HNRNPK: variants seen among roughly 807,000 people sequenced by gnomAD.
HNRNPK encodes heterogeneous nuclear ribonucleoprotein K.
A neutral mutation model predicts 67.0 loss-of-function variants in HNRNPK; 7 were observed. The ratio of observed to expected loss-of-function variants is 0.10; its 90% CI spans 0.06 to 0.20. The LOEUF is 0.20. Ranked by LOEUF, HNRNPK falls within the 10% of genes least tolerant of loss-of-function variation. The probability of loss-of-function intolerance (pLI) is 1.00; values close to 1 mark genes in which losing one functional copy is unlikely to be tolerated. For missense variants in HNRNPK, 264 were observed against 606.5 expected, an observed-to-expected ratio of 0.44 and a Z score of 5.93; for synonymous variants, 213 against 193.7, an observed-to-expected ratio of 1.10 and a Z score of -0.83.
chr9:83,975,734 G>C, intron 5 of HNRNPK: 1 of 579,528 alleles, frequency 1.7e-6, no homozygotes, highest in Non-Finnish European at 3.1e-6. Context: ...AACAAGGAGA[G>C]GGAAAAGGGG....
rs544139763 is a variant in HNRNPK at position 83,969,187 on chromosome 9, C to A, written c.*220G>T. 4.2e-5 allele frequency: 24 copies of A among 565,220 alleles called. 1 individual carries two copies. The highest frequency in any genetic ancestry group is 9.7e-4 in the Middle Eastern group (2 of 2,070). 35.0% of individuals were successfully genotyped at this position (565,220 alleles called of 1,614,324 possible). ...TTAGTTTTTGCACGCCCTTCCCCCC[C>A]CCAACCCTGTTTGTAAGGAACTAAA... On this transcript the variant is annotated 3_prime_UTR_variant, in exon 17 of 17. Transcript: ENST00000376263.
Position 83,968,580 on chromosome 9 carries a change from A to G in HNRNPK, c.*827T>C, listed in dbSNP as rs758605506. ...CTCATACCATTACTCAACTTGTAGT[A>G]CTGCTCCCCACCTTAGTTCTTCACA... is the stretch of plus-strand genomic sequence containing the variant. On this transcript the variant is annotated 3_prime_UTR_variant, in exon 17 of 17. Coordinates refer to ENST00000376263, the MANE Select transcript of HNRNPK (RefSeq NM_031263.4). The G allele has an allele frequency of 6.6e-6, 1 of 152,648 alleles. No individual in the cohort carries two copies. The highest frequency in any genetic ancestry group is 6.5e-5 in the Admixed American group (1 of 15,276). The allele number at this position is 152,648 out of a possible 1,614,324, so 9.5% of individuals were successfully genotyped here. A position where few individuals can be genotyped will look rare whatever the true frequency, so the allele number is the denominator to read the frequency against.
chr9:83,970,014 A>G, intron 16 of HNRNPK, 148 bp downstream of exon 16: 1 of 677,234 alleles, frequency 1.5e-6, no homozygotes, highest in Non-Finnish European at 2.5e-6. Flanking sequence ...CAGAAGAAAA[A>G]TTAAGGCAAA....
At chr9:83,970,104 A>C in intron 16 of HNRNPK, 58 bp downstream of exon 16, 1 of 1,408,712 alleles carries the variant, frequency 7.1e-7, no homozygotes, top group South Asian at 1.3e-5. Context: ...ATTGAGAAGA[A>C]AAGCTTTTTA....
At chr9:83,975,793 T>C (rs1458451202) in intron 5 of HNRNPK, 3 of 454,134 alleles carry the variant, frequency 6.6e-6, no homozygotes, top group Non-Finnish European at 1.2e-5. Context: ...ATACTCTCAA[T>C]GAAACAAGCT....
Position 83,972,979 on chromosome 9 carries a change from T to C in HNRNPK, c.517-7A>G, listed in dbSNP as rs775769520. The C allele has an allele frequency of 1.3e-6, 2 of 1,565,004 alleles. No homozygotes were observed. The highest frequency in any genetic ancestry group is 1.9e-5 in the Admixed American group (1 of 52,178). On this transcript the variant is annotated splice_region_variant and splice_polypyrimidine_tract_variant and intron_variant, in intron 9 of 16. Transcript: ENST00000376263. The stretch of plus-strand genomic sequence containing the variant: ...TGATGGTGGTTTGAGTGTTCTGTAG[T>C]AAGATCATAAAAAAAAATAATAATA...
intron 1 of HNRNPK, among the ~76,000 whole-genome samples, chr9:83,978,662 T>A (rs559556433): frequency 6.6e-6 from 1 of 152,306 alleles, no homozygotes; most frequent in Non-Finnish European, 1.5e-5. Context: ...GTTAGAACAA[T>A]AACTTTTAGC....
chr9:83,972,450 C>G (rs1956893863), intron 10 of HNRNPK, among the ~76,000 whole-genome samples: 1 of 152,188 alleles, frequency 6.6e-6, no homozygotes, highest in Non-Finnish European at 1.5e-5. Flanking sequence ...ACACTTAGAT[C>G]GTAAGAAACC....
chr9:83,972,815 A>T, intron 10 of HNRNPK, 29 bp downstream of exon 10: 2 of 1,538,720 alleles, frequency 1.3e-6, no homozygotes, highest in Non-Finnish European at 8.8e-7. Flanking sequence ...TCATAAAATC[A>T]AATGTAAACA....
chr9:83,977,183 A>G, intron 4 of HNRNPK, 132 bp from the exon 5 acceptor site: 1 of 665,306 alleles, frequency 1.5e-6, no homozygotes, highest in African/African-American at 1.8e-5. Flanking sequence ...GGGGTTGTAA[A>G]AACGACCAGG....
At chr9:83,977,310 T>C (rs185965099) in intron 4 of HNRNPK, among the ~76,000 whole-genome samples, 1 of 152,330 alleles carries the variant, frequency 6.6e-6, no homozygotes, top group South Asian at 2.1e-4. Context: ...ACAGATTTTA[T>C]AGCACCCTTT....
intron 1 of HNRNPK, 79 bp downstream of exon 1, chr9:83,980,074 C>G (rs1321307838): frequency 6.6e-6 from 1 of 152,460 alleles, no homozygotes; most frequent in Non-Finnish European, 1.5e-5. Context: ...AAAGCGGCTC[C>G]CAGGACGCCT....
intron 13 of HNRNPK, 96 bp from the exon 14 acceptor site, chr9:83,971,008 T>TG: frequency 7.9e-7 from 1 of 1,258,170 alleles, no homozygotes. Flanking sequence ...AGTCTTGCTA[T>TG]GTTGCCCAGG....
At position 83,976,986 on chromosome 9, in the gene HNRNPK, A is replaced by C; in HGVS notation, c.213+9T>G. The C allele has an allele frequency of 6.3e-7, 1 of 1,576,014 alleles. No homozygotes were observed. Among genetic ancestry groups the C allele is most frequent in the South Asian group, 1.1e-5 (1 of 89,900 alleles). ...TGCTCGTGTAGTAGTTTAAACTCTTAATACTTACGTCTGTACGGAGAGCCT... is the reference window on the plus strand; with the variant it reads ...TGCTCGTGTAGTAGTTTAAACTCTTCATACTTACGTCTGTACGGAGAGCCT... On this transcript the variant is annotated intron_variant, in intron 5 of 16. Coordinates refer to ENST00000376263, the MANE Select transcript of HNRNPK (RefSeq NM_031263.4).
At chr9:83,977,636 A>T (rs952893113) in intron 4 of HNRNPK, 53 bp downstream of exon 4, 7 of 1,062,678 alleles carry the variant, frequency 6.6e-6, no homozygotes, top group African/African-American at 1.6e-5. Context: ...ACCAGACCTT[A>T]ATTTCTACCT....
chr9:83,975,593 G>C, intron 5 of HNRNPK, 88 bp from the exon 6 acceptor site: 1 of 1,189,966 alleles, frequency 8.4e-7, no homozygotes, highest in East Asian at 2.3e-5. Context: ...GTTTGGCAAC[G>C]AGCACATTTT....
intron 1 of HNRNPK, 74 bp downstream of exon 1, chr9:83,980,079 A>C (rs2133083433): frequency 6.6e-6 from 1 of 152,330 alleles, no homozygotes; most frequent in South Asian, 2.1e-4. Flanking sequence ...GGCTCCCAGG[A>C]CGCCTCCCTC....
In HNRNPK at chr9:83,972,987, T is replaced by TAA. The variant is rs142206310; in HGVS notation, c.517-17_517-16dup. 3.3e-6 allele frequency: 5 copies of TAA among 1,526,398 alleles called. No individual in the cohort carries two copies. In the South Asian group the frequency reaches 3.7e-5, roughly 11 times the overall value. 94.6% of individuals were successfully genotyped at this position (1,526,398 alleles called of 1,614,324 possible). On this transcript the variant is annotated splice_polypyrimidine_tract_variant and intron_variant, in intron 9 of 16. Transcript: ENST00000376263. ...GTTTGAGTGTTCTGTAGTAAGATCA[T>TAA]AAAAAAAAATAATAATAATTAGAAG...
intron 2 of HNRNPK, 36 bp from the exon 3 acceptor site, chr9:83,978,315 A>G: frequency 6.9e-7 from 1 of 1,449,380 alleles, no homozygotes; most frequent in South Asian, 1.3e-5. Flanking sequence ...CATTTGGCTT[A>G]TTGGAAAGCA....
Sources: allele counts gnomAD v4.1 joint callset (sites outside exome capture counted in the v4.1 genomes callset), GRCh38; gene constraint gnomAD v4.1.1; transcripts MANE v1.5; gene names NCBI Gene and HGNC (gene_info 2026-07-23, HGNC 2026-07-21).